RGS6: variants seen among roughly 807,000 people sequenced by gnomAD.
RGS6 encodes regulator of G protein signaling 6, also known as regulator of G-protein signaling 6.
Under a neutral mutation model 78.5 loss-of-function variants are expected in RGS6, and 30 were observed. The observed-to-expected ratio is 0.38, with a 90% CI of 0.29 to 0.52. The LOEUF (loss-of-function observed/expected upper bound fraction) is 0.52. RGS6 is among the 20% of genes least tolerant of loss of function. RGS6 has a pLI of 0.85. For missense variants in RGS6, 495 were observed against 609.7 expected (o/e 0.81, Z 1.98); for synonymous variants, 206 against 206.0 (o/e 1.00, Z 0.00).
the RGS6 span, among the ~76,000 whole-genome samples, chr14:71,901,796 T>C: frequency 2.0e-5 from 3 of 152,350 alleles, no homozygotes; most frequent in South Asian, 2.1e-4. Context: ...TAATTTTGTA[T>C]ACTTGTTGGT....
chr14:71,925,559 C>A, the RGS6 span, among the ~76,000 whole-genome samples: 1 of 151,970 alleles, frequency 6.6e-6, no homozygotes. Flanking sequence ...GTCTTTAATC[C>A]ATTTTGAGTT....
chr14:72,053,979 C>T (rs573933537), intron 2 of RGS6, among the ~76,000 whole-genome samples: 2 of 152,264 alleles, frequency 1.3e-5, no homozygotes, highest in South Asian at 4.2e-4. Context: ...TGAGATAAGA[C>T]CGAATGGTTG....
At chr14:72,262,007 A>G (rs1223997622) in intron 2 of RGS6, among the ~76,000 whole-genome samples, 2 of 152,170 alleles carry the variant, frequency 1.3e-5, no homozygotes, top group Non-Finnish European at 2.9e-5. Context: ...TTTATATAAA[A>G]TATGAAGACA....
At chr14:72,281,351 G>T (rs777435914) in intron 2 of RGS6, among the ~76,000 whole-genome samples, 2 of 151,894 alleles carry the variant, frequency 1.3e-5, no homozygotes, top group Non-Finnish European at 2.9e-5. Flanking sequence ...GTTTCTCCAT[G>T]TTGGCCAGGC....
chr14:72,069,976 A>C (rs2094343603), intron 2 of RGS6, among the ~76,000 whole-genome samples: 2 of 152,214 alleles, frequency 1.3e-5, no homozygotes, highest in South Asian at 4.1e-4. Context: ...TGGATTCTTT[A>C]GACCTTCCTT....
At chr14:72,556,689 G>A (rs1250298796) in intron 17 of RGS6, among the ~76,000 whole-genome samples, 1 of 141,240 alleles carries the variant, frequency 7.1e-6, no homozygotes, top group South Asian at 2.4e-4. Context: ...GGTCGGGGGG[G>A]CGGGGTGGGG....
At chr14:72,049,796 G>A (rs2093111681) in intron 2 of RGS6, among the ~76,000 whole-genome samples, 1 of 152,148 alleles carries the variant, frequency 6.6e-6, no homozygotes, top group South Asian at 2.1e-4. Flanking sequence ...CTGCTTTTCA[G>A]ACTGGAAAGC....
At chr14:72,605,957 T>G in the RGS6 span, among the ~76,000 whole-genome samples, 1 of 152,080 alleles carries the variant, frequency 6.6e-6, no homozygotes, top group African/African-American at 2.4e-5. Flanking sequence ...ACAGATCAAA[T>G]CGGAGCTGTG....
At chr14:72,547,100 A>ACG in intron 17 of RGS6, 1 of 1,408,056 alleles carries the variant, frequency 7.1e-7, no homozygotes, top group South Asian at 1.2e-5. Flanking sequence ...GGCCCCCCGC[A>ACG]GGATAAACAG....
At chr14:72,005,628 A>G (rs996955652) in intron 2 of RGS6, among the ~76,000 whole-genome samples, 1 of 152,128 alleles carries the variant, frequency 6.6e-6, no homozygotes, top group African/African-American at 2.4e-5. Flanking sequence ...TATAATGAGA[A>G]ATGTTTTAAA....
intron 2 of RGS6, among the ~76,000 whole-genome samples, chr14:72,178,477 A>C (rs2097134594): frequency 6.6e-6 from 1 of 152,228 alleles, no homozygotes; most frequent in African/African-American, 2.4e-5. Flanking sequence ...CAAGAGCTGC[A>C]CCAAAACATC....
intron 1 of RGS6, among the ~76,000 whole-genome samples, chr14:71,943,976 C>A (rs2091067506): frequency 6.6e-6 from 1 of 152,114 alleles, no homozygotes; most frequent in South Asian, 2.1e-4. Flanking sequence ...TTGATTTTGC[C>A]TGGCAAGATC....
chr14:72,111,298 A>G (rs537329911), intron 2 of RGS6, among the ~76,000 whole-genome samples: 172 of 152,302 alleles, frequency 1.1e-3, no homozygotes, highest in African/African-American at 4.1e-3. Flanking sequence ...GACAGATACC[A>G]TCTCAGGAAT....
intron 2 of RGS6, among the ~76,000 whole-genome samples, chr14:72,068,484 C>A (rs1169072140): frequency 4.2e-5 from 6 of 141,588 alleles, no homozygotes; most frequent in African/African-American, 1.6e-4. Context: ...CCGTCTCTCC[C>A]TCCCACTCTT....
intron 2 of RGS6, among the ~76,000 whole-genome samples, chr14:72,265,264 C>G (rs740337): frequency 0.57 from 86,049 of 151,974 alleles, 24,796 homozygotes; most frequent in African/African-American, 0.66. Context: ...GCATACATGA[C>G]GGATCAGAAA....
At chr14:72,114,239 G>A (rs1379506416) in intron 2 of RGS6, among the ~76,000 whole-genome samples, 1 of 152,162 alleles carries the variant, frequency 6.6e-6, no homozygotes, top group East Asian at 1.9e-4. Flanking sequence ...TCCTTGTTTA[G>A]TCTGTGCTTT....
At chr14:71,975,870 ATG>A (rs985965671) in intron 2 of RGS6, among the ~76,000 whole-genome samples, 24 of 151,952 alleles carry the variant, frequency 1.6e-4, no homozygotes, top group African/African-American at 5.6e-4. Flanking sequence ...TCTAGATTTC[ATG>A]TGTTTCTTAT....
chr14:72,321,877 A>G (rs1425725203), intron 2 of RGS6, among the ~76,000 whole-genome samples: 1 of 152,030 alleles, frequency 6.6e-6, no homozygotes, highest in Non-Finnish European at 1.5e-5. Context: ...GATGTCCATA[A>G]AACGTTTCCC....
Position 72,465,779 on chromosome 14 carries a change from C to A in RGS6, c.416C>A (p.Thr139Lys). Reference sequence around the variant, plus strand: ...TCAGCCATCTATCTCTGTAAGAGGACAATGCAAAATAAAGCAAGGCTGGAA... The same window carrying A: ...TCAGCCATCTATCTCTGTAAGAGGAAAATGCAAAATAAAGCAAGGCTGGAA... ...TDYAIYLCKRTMQNKARLELA... is the reference protein window; with the variant it reads ...TDYAIYLCKRKMQNKARLELA... The change falls in exon 7 of 18, where the codon ACA becomes AAA. Residue 139 changes from threonine (T) to lysine (K), a missense_variant. Physicochemically the swap from Thr to Lys is moderately conservative, Grantham distance 78. Coordinates refer to ENST00000553525, the MANE Select transcript of RGS6 (RefSeq NM_001204424.2). 1.2e-6 allele frequency: 2 copies of A among 1,613,450 alleles called. No individual in the cohort carries two copies. Among genetic ancestry groups the A allele is most frequent in the East Asian group, 2.2e-5 (1 of 44,864 alleles).
Sources: gnomAD v4.1 joint callset for allele counts (sites outside exome capture counted in the v4.1 genomes callset) on GRCh38, gnomAD v4.1.1 for gene constraint, MANE v1.5 for transcripts, NCBI Gene and HGNC (gene_info 2026-07-23, HGNC 2026-07-21) for gene names.